Variants in ZCRB1 observed in about 807,000 individuals in gnomAD.
The protein encoded by ZCRB1 is zinc finger CCHC-type and RNA-binding motif-containing protein 1.
A neutral mutation model predicts 29.9 loss-of-function variants in ZCRB1; 21 were observed. The observed-to-expected ratio is 0.70, with a 90% CI of 0.50 to 1.01. ZCRB1 has a LOEUF of 1.01. ZCRB1 is among the 50% of genes least tolerant of loss of function. The pLI, the probability that ZCRB1 is intolerant of heterozygous loss-of-function variation, is 0.00. For missense variants in ZCRB1, 204 were observed against 253.3 expected, an observed-to-expected ratio of 0.81 and a Z score of 1.32; for synonymous variants, 77 against 80.0, an observed-to-expected ratio of 0.96 and a Z score of 0.20.
Position 42,313,771 on chromosome 12 carries a change from A to G in ZCRB1, c.447-6T>C. On this transcript the variant is annotated splice_region_variant and splice_polypyrimidine_tract_variant and intron_variant, in intron 6 of 7. Coordinates refer to ENST00000266529, the MANE Select transcript of ZCRB1 (RefSeq NM_033114.4). ...CACTTTCTTCTACTTCCTCACTTAA[A>G]TAAAGAAAAACAAATTGGAATGTAA... 1 of 1,613,856 alleles carries G rather than the reference A, an allele frequency of 6.2e-7. No homozygotes were observed.
chr12:42,323,712 G>A (rs1252714051), intron 2 of ZCRB1: 6 of 264,106 alleles, frequency 2.3e-5, no homozygotes, highest in African/African-American at 4.6e-5. Flanking sequence ...GCTCACTGTC[G>A]CCTCGACCTC....
At chr12:42,314,145 T>G (rs1245573815) in intron 5 of ZCRB1, among the ~76,000 whole-genome samples, 159 bp from the exon 6 acceptor site, 1 of 152,086 alleles carries the variant, frequency 6.6e-6, no homozygotes. Flanking sequence ...CCCAGTACTT[T>G]AATATTTAGA....
intron 5 of ZCRB1, among the ~76,000 whole-genome samples, chr12:42,315,575 A>G (rs2068590883): frequency 6.6e-6 from 1 of 152,220 alleles, no homozygotes; most frequent in Non-Finnish European, 1.5e-5. Flanking sequence ...GAGAAAAACC[A>G]GGCTAGGTCA....
In ZCRB1 at chr12:42,317,753, G is replaced by A. The variant is rs146723341; in HGVS notation, c.225+34C>T. On this transcript the variant is annotated intron_variant, in intron 4 of 7. Transcript: ENST00000266529. ...GGCCTGGATGAGCATAAAGGCTTTG[G>A]GGCTAAAAACCTTGATGGAGATGAA... is the stretch of plus-strand genomic sequence containing the variant. 1.0e-3 allele frequency: 1,598 copies of A among 1,591,880 alleles called. 18 individuals are homozygous for A. The African/African-American group carries it at 0.019, about 19-fold the overall frequency.
rs1467415104 is a variant in ZCRB1 at position 42,325,960 on chromosome 12, C to A, written c.-39G>T. ...TTGGGCCTGGGAGACCAGAAGAGTGCGAGCCCTCGGCTCAGCTGGGGCTCA... is the reference window on the plus strand; with the variant it reads ...TTGGGCCTGGGAGACCAGAAGAGTGAGAGCCCTCGGCTCAGCTGGGGCTCA... On this transcript the variant is annotated 5_prime_UTR_variant, in exon 1 of 8. Coordinates refer to ENST00000266529, the MANE Select transcript of ZCRB1 (RefSeq NM_033114.4). 2 of 152,304 alleles carry A rather than the reference C, an allele frequency of 1.3e-5. No homozygotes were observed. The highest frequency in any genetic ancestry group is 2.9e-5 in the Non-Finnish European group (2 of 68,114). The allele number at this position is 152,304 out of a possible 1,614,324, so 9.4% of individuals were successfully genotyped here. A position where few individuals can be genotyped will look rare whatever the true frequency, so the allele number is the denominator to read the frequency against.
chr12:42,313,913 T>C lies in ZCRB1; in HGVS notation c.407A>G (p.Lys136Arg), dbSNP rs2068581470. The change falls in exon 6 of 8, where the codon AAA becomes AGA. Residue 136 changes from lysine to arginine, a missense_variant. Coordinates refer to ENST00000266529, the MANE Select transcript of ZCRB1 (RefSeq NM_033114.4). ...GEREPPKKKE[K>R]KKKKKAPEPE... ...TTCAGGAGCTTTCTTTTTTTTCTTT[T>C]TTTCTTTCTTCTTTGGAGGCTCACG... The C allele has an allele frequency of 2.5e-6, 4 of 1,604,804 alleles. No homozygotes were observed. In the African/African-American group the frequency reaches 4.1e-5, roughly 16 times the overall value.
At chr12:42,314,926 T>G in intron 5 of ZCRB1, among the ~76,000 whole-genome samples, 1 of 152,184 alleles carries the variant, frequency 6.6e-6, no homozygotes, top group East Asian at 1.9e-4. Context: ...CACTCCAGCC[T>G]AGGCAACAGA....
chr12:42,323,627 A>AT (rs1012236701), intron 2 of ZCRB1: 193 of 161,066 alleles, frequency 1.2e-3, no homozygotes, highest in African/African-American at 4.0e-3. Flanking sequence ...TATAGCTTCT[A>AT]TTTTTTTTTC....
intron 3 of ZCRB1, among the ~76,000 whole-genome samples, chr12:42,319,464 C>T (rs571684184): frequency 6.6e-5 from 10 of 152,304 alleles, no homozygotes; most frequent in South Asian, 6.2e-4. Context: ...CTCCTTCCCA[C>T]GCACACACTA....
rs771538069 is a variant in ZCRB1 at position 42,317,811 on chromosome 12, A to G, written c.201T>C (p.Cys67=). ...CCTGTTTGTTGTTTATTGCCCTGGT[A>G]CAGTTTTGTGCAGAGTCTTTATCCA... The part of the protein sequence containing the change: ...LFLDKDSAQN[C]TRAINNKQLF... The change falls in exon 4 of 8, where the codon TGT becomes TGC. Residue 67 remains cysteine, a synonymous_variant. Coordinates refer to ENST00000266529, the MANE Select transcript of ZCRB1 (RefSeq NM_033114.4). 5 of 1,613,300 alleles carry G rather than the reference A, an allele frequency of 3.1e-6. No individual in the cohort carries two copies. In the South Asian group the frequency reaches 4.4e-5, roughly 14 times the overall value.
Position 42,317,337 on chromosome 12 carries a change from T to G in ZCRB1, c.333+3A>C. 1 of 1,596,418 alleles carries G rather than the reference T, an allele frequency of 6.3e-7. No individual in the cohort carries two copies. The highest frequency in any genetic ancestry group is 8.5e-7 in the Non-Finnish European group (1 of 1,172,432). On this transcript the variant is annotated splice_donor_region_variant and intron_variant, in intron 5 of 7. Coordinates refer to ENST00000266529, the MANE Select transcript of ZCRB1 (RefSeq NM_033114.4). ...AGTTCCATTAAGTTTTAGGTTTACT[T>G]ACCCCACATTCATAACACTTAGATT...
At chr12:42,323,830 C>G in intron 2 of ZCRB1, 189 bp downstream of exon 2, 1 of 573,700 alleles carries the variant, frequency 1.7e-6, no homozygotes, top group South Asian at 2.1e-5. Flanking sequence ...GGAGGATCAC[C>G]TGAGGGGGCG....
At chr12:42,315,484 T>A (rs1467350790) in intron 5 of ZCRB1, among the ~76,000 whole-genome samples, 1 of 152,026 alleles carries the variant, frequency 6.6e-6, no homozygotes, top group South Asian at 2.1e-4. Context: ...GAGACACATA[T>A]CTGAAACTGT....
chr12:42,313,874 A>G lies in ZCRB1; in HGVS notation c.446T>C (p.Ile149Thr), dbSNP rs1313169586. Residue 149 changes from isoleucine (I) to threonine (T), a missense_variant and splice_region_variant, in exon 6 of 8, where the codon ATT (isoleucine) becomes ACT (threonine). Physicochemically the swap from Ile to Thr is moderately conservative, Grantham distance 89. Coordinates refer to ENST00000266529, the MANE Select transcript of ZCRB1 (RefSeq NM_033114.4). ...KKKAPEPEEE[I>T]EEVEESEDEG... ...TATTTAGTAAGAATAATATACATAC[A>G]TTTCTTCTTCTGGTTCAGGAGCTTT... 1.9e-6 allele frequency: 3 copies of G among 1,599,774 alleles called. No homozygotes were observed. Among genetic ancestry groups the G allele is most frequent in the Non-Finnish European group, 2.5e-6 (3 of 1,176,794 alleles).
chr12:42,321,953 G>A (rs559257715), intron 3 of ZCRB1, among the ~76,000 whole-genome samples: 1 of 152,136 alleles, frequency 6.6e-6, no homozygotes, highest in South Asian at 2.1e-4. Context: ...TATCTCTGAA[G>A]GAAGATAATA....
At chr12:42,324,967 AC>A (rs777855233) in intron 1 of ZCRB1, among the ~76,000 whole-genome samples, 20 of 152,362 alleles carry the variant, frequency 1.3e-4, no homozygotes, top group South Asian at 8.3e-4. Context: ...TCTGAGTGTT[AC>A]GTGATTTCAC....
chr12:42,322,804 A>G (rs1430869949), intron 2 of ZCRB1, among the ~76,000 whole-genome samples: 1 of 152,204 alleles, frequency 6.6e-6, no homozygotes, highest in Non-Finnish European at 1.5e-5. Context: ...CTGTGCTTCA[A>G]ATGTCAATCT....
intron 3 of ZCRB1, among the ~76,000 whole-genome samples, chr12:42,318,254 A>G (rs4768397): frequency 0.28 from 42,737 of 152,188 alleles, 7,371 homozygotes; most frequent in Non-Finnish European, 0.38. Flanking sequence ...AAAAAGTAAA[A>G]TGATTTATTT....
intron 3 of ZCRB1, among the ~76,000 whole-genome samples, chr12:42,318,365 C>T (rs764302509): frequency 1.1e-4 from 17 of 152,052 alleles, no homozygotes; most frequent in Non-Finnish European, 2.2e-4. Flanking sequence ...TGTGGTGGTG[C>T]GCACCTGTAG....
Sources: allele counts gnomAD v4.1 joint callset (sites outside exome capture counted in the v4.1 genomes callset), GRCh38; gene constraint gnomAD v4.1.1; transcripts MANE v1.5; gene names NCBI Gene and HGNC (gene_info 2026-07-23, HGNC 2026-07-21).